PAF1: variants seen among roughly 807,000 people sequenced by gnomAD.
The protein encoded by PAF1 is RNA polymerase II-associated factor 1 homolog.
In PAF1, 31 loss-of-function variants were observed where a neutral mutation model predicts 68.4. The observed-to-expected ratio is 0.45, with a 90% CI of 0.34 to 0.61. PAF1 has a LOEUF of 0.61. Ranked by LOEUF, PAF1 falls within the 20% of genes least tolerant of loss-of-function variation. The probability of loss-of-function intolerance (pLI) is 0.01; values close to 1 mark genes in which losing one functional copy is unlikely to be tolerated. For missense variants in PAF1, 435 were observed against 692.9 expected (o/e 0.63, Z 4.18); for synonymous variants, 256 against 240.5 (o/e 1.06, Z -0.60).
In PAF1 at chr19:39,385,791, C is replaced by T; in HGVS notation, c.*200G>A. Reference sequence around the variant, plus strand: ...AGCCTCAAGCCAAGATCCTTGAGCACCTGGGGGTTGCGGGAGGTATGTGCT... The same window carrying T: ...AGCCTCAAGCCAAGATCCTTGAGCATCTGGGGGTTGCGGGAGGTATGTGCT... On this transcript the variant is annotated 3_prime_UTR_variant, in exon 14 of 14. Coordinates refer to ENST00000221265, the MANE Select transcript of PAF1 (RefSeq NM_019088.4). The T allele has an allele frequency of 2.7e-6, 2 of 736,668 alleles. No individual in the cohort carries two copies. Among genetic ancestry groups the T allele is most frequent in the Non-Finnish European group, 4.3e-6 (2 of 460,724 alleles). 45.6% of individuals were successfully genotyped at this position (736,668 alleles called of 1,614,324 possible).
chr19:39,389,294 T>G lies in PAF1; in HGVS notation c.449A>C (p.Lys150Thr). Residue 150 changes from lysine (K) to threonine (T), a missense_variant, in exon 6 of 14, where the codon AAG (lysine) becomes ACG (threonine). By Grantham distance (78) the Lys-to-Thr change is moderately conservative. Transcript: ENST00000221265. This position sits in a 1 kb window ranked among gnomAD's most constrained non-coding sequence, Gnocchi z 5.3. ...GTTAGTAACTTACTTGACCTCAGGCTTCTCATTGGAGATGCCATAACGGTT... is the reference window on the plus strand; with the variant it reads ...GTTAGTAACTTACTTGACCTCAGGCGTCTCATTGGAGATGCCATAACGGTT... ...EFNRYGISNE[K>T]PEVKIGVSVK... is the part of the protein sequence containing the mutation. The G allele has an allele frequency of 6.2e-7, 1 of 1,612,874 alleles. No individual in the cohort carries two copies. Among genetic ancestry groups the G allele is most frequent in the Non-Finnish European group, 8.5e-7 (1 of 1,178,798 alleles).
In PAF1 at chr19:39,386,473, C is replaced by T; in HGVS notation, c.1183+9G>A. 1 of 1,614,164 alleles carries T rather than the reference C, an allele frequency of 6.2e-7. No homozygotes were observed. The highest frequency in any genetic ancestry group is 1.6e-4 in the Middle Eastern group (1 of 6,062). ...CAGGGCTCCCAGAGTCTGGCCTGTC[C>T]AGATTTACCTGAGCCCCCAGCTTCT... On this transcript the variant is annotated intron_variant, in intron 13 of 13. Transcript: ENST00000221265. The surrounding 1 kb of genome is among the most constrained non-coding windows in gnomAD (Gnocchi z 6.1).
chr19:39,391,083 T>C lies in PAF1; in HGVS notation c.-219A>G. The C allele has an allele frequency of 1.6e-6, 1 of 629,510 alleles. No individual in the cohort carries two copies. The highest frequency in any genetic ancestry group is 3.0e-5 in the Admixed American group (1 of 33,224). 39.0% of individuals were successfully genotyped at this position (629,510 alleles called of 1,614,324 possible). On this transcript the variant is annotated 5_prime_UTR_variant, in exon 1 of 14. Transcript: ENST00000221265. ...CCGGGGACGGACTCGAAGCTCCGGT[T>C]CCACCAACTGCCGCCAAGACGCTGA...
At chr19:39,387,059 G>A (rs2078268138) in intron 11 of PAF1, 6 of 557,268 alleles carry the variant, frequency 1.1e-5, no homozygotes, top group African/African-American at 3.8e-5. Context: ...ACATAAATAC[G>A]GGCATGGGCC....
chr19:39,386,345 CGAGTGCTCA>C lies in PAF1; in HGVS notation c.1233_1241del (p.Asp411_Ser414delinsGlu). 6.2e-7 allele frequency: 1 copy of C among 1,614,162 alleles called. No individual in the cohort carries two copies. Among genetic ancestry groups the C allele is most frequent in the East Asian group, 2.2e-5 (1 of 44,888 alleles). On this transcript the variant is annotated inframe_deletion, in exon 14 of 14. Transcript: ENST00000221265. This position sits in a 1 kb window ranked among gnomAD's most constrained non-coding sequence, Gnocchi z 6.1. The stretch of plus-strand genomic sequence containing the variant: ...CTTCCTCCCGTTCACTCTCGCTGCC[CGAGTGCTCA>C]TCTTCACTGCCCTCCTTCTCACTGC...
rs1269892623 is a variant in PAF1, at chr19:39,388,577, G to A, written c.840C>T (p.Asp280=). ...CCACGCACACATCATCTGGTGCATAGTCCATCTCCTCCTCCTGGTCCCGCT... is the reference window on the plus strand; with the variant it reads ...CCACGCACACATCATCTGGTGCATAATCCATCTCCTCCTCCTGGTCCCGCT... ...KRKRDQEEEM[D]YAPDDVYDYK... Residue 280 remains aspartate (D), a synonymous_variant, in exon 10 of 14, where the codon GAC becomes GAT. Coordinates refer to ENST00000221265, the MANE Select transcript of PAF1 (RefSeq NM_019088.4). 1.2e-6 allele frequency: 2 copies of A among 1,613,934 alleles called. No homozygotes were observed. Among genetic ancestry groups the A allele is most frequent in the East Asian group, 2.2e-5 (1 of 44,886 alleles).
chr19:39,386,840 G>A lies in PAF1; in HGVS notation c.987-41C>T, dbSNP rs371373069. Reference sequence around the variant, plus strand: ...TTGGGAGAGAGAAGTGGAAGATGCAGTTAAAGACACACCTCCCACTTCCCC... The same window carrying A: ...TTGGGAGAGAGAAGTGGAAGATGCAATTAAAGACACACCTCCCACTTCCCC... On this transcript the variant is annotated intron_variant, in intron 11 of 13. Coordinates refer to ENST00000221265, the MANE Select transcript of PAF1 (RefSeq NM_019088.4). The surrounding 1 kb of genome is among the most constrained non-coding windows in gnomAD (Gnocchi z 6.1). 1.4e-5 allele frequency: 19 copies of A among 1,389,618 alleles called. No homozygotes were observed. The highest frequency in any genetic ancestry group is 1.8e-5 in the Non-Finnish European group (18 of 975,828). The allele number at this position is 1,389,618 out of a possible 1,614,324, so 86.1% of individuals were successfully genotyped here. A position where few individuals can be genotyped will look rare whatever the true frequency, so the allele number is the denominator to read the frequency against.
At position 39,389,061 on chromosome 19, in the gene PAF1, C is replaced by T. The variant is rs1173978725; in HGVS notation, c.567+32G>A. The stretch of plus-strand genomic sequence containing the variant: ...TGAGGAGGAGCTCTGCAGCCGCACC[C>T]TTGCCTCTCCCCATCCCAGTCCCTC... On this transcript the variant is annotated intron_variant, in intron 7 of 13. Transcript: ENST00000221265. This position sits in a 1 kb window ranked among gnomAD's most constrained non-coding sequence, Gnocchi z 5.3. The T allele has an allele frequency of 6.2e-7, 1 of 1,612,088 alleles. No individual in the cohort carries two copies. The highest frequency in any genetic ancestry group is 1.3e-5 in the African/African-American group (1 of 74,982).
intron 11 of PAF1, among the ~76,000 whole-genome samples, chr19:39,387,983 C>CA (rs1375246495): frequency 6.6e-6 from 1 of 151,784 alleles, no homozygotes; most frequent in Non-Finnish European, 1.5e-5. Flanking sequence ...ATTAAAAATA[C>CA]AAAAAAAATT....
In PAF1 at chr19:39,386,527, C is replaced by T. The variant is rs2078253752; in HGVS notation, c.1138G>A (p.Glu380Lys). ...QLENHEPEEEEEEEMETEEKE... is the reference protein window; with the variant it reads ...QLENHEPEEEKEEEMETEEKE... ...TCTTCTGTCTCCATCTCCTCTTCCTCTTCCTCCTCCGGTTCGTGGTTTTCT... is the reference window on the plus strand; with the variant it reads ...TCTTCTGTCTCCATCTCCTCTTCCTTTTCCTCCTCCGGTTCGTGGTTTTCT... Residue 380 changes from glutamate (E) to lysine (K), a missense_variant, in exon 13 of 14, where the codon GAG (glutamate) becomes AAG (lysine). Physicochemically the swap from Glu to Lys is moderately conservative, Grantham distance 56 (BLOSUM62 1). This residue lies in a region of PAF1 where 151 missense variants were observed against 306.3 expected (regional missense o/e 0.49). Coordinates refer to ENST00000221265, the MANE Select transcript of PAF1 (RefSeq NM_019088.4). This position sits in a 1 kb window ranked among gnomAD's most constrained non-coding sequence, Gnocchi z 6.1. 6.2e-7 allele frequency: 1 copy of T among 1,614,202 alleles called. No individual in the cohort carries two copies. The highest frequency in any genetic ancestry group is 8.5e-7 in the Non-Finnish European group (1 of 1,180,034).
chr19:39,386,156 G>A lies in PAF1; in HGVS notation c.1431C>T (p.Gly477=). The A allele has an allele frequency of 6.2e-7, 1 of 1,614,122 alleles. No homozygotes were observed. Among genetic ancestry groups the A allele is most frequent in the Non-Finnish European group, 8.5e-7 (1 of 1,180,030 alleles). ...DDEDRGQAQG[G]SDNDSDSGSN... Reference sequence around the variant, plus strand: ...TGCCGCTGTCTGAATCATTGTCACTGCCACCTTGGGCCTGTCCTCTGTCCT... The same window carrying A: ...TGCCGCTGTCTGAATCATTGTCACTACCACCTTGGGCCTGTCCTCTGTCCT... The change falls in exon 14 of 14, where the codon GGC becomes GGT. Residue 477 remains glycine (G), a synonymous_variant. Transcript: ENST00000221265. This position sits in a 1 kb window ranked among gnomAD's most constrained non-coding sequence, Gnocchi z 6.1.
In PAF1 at chr19:39,390,892, G is replaced by A. The variant is rs1004492144; in HGVS notation, c.-28C>T. On this transcript the variant is annotated 5_prime_UTR_variant, in exon 1 of 14. Coordinates refer to ENST00000221265, the MANE Select transcript of PAF1 (RefSeq NM_019088.4). The stretch of plus-strand genomic sequence containing the variant: ...CGACGAGGCGACGGCAGCCCGGACG[G>A]GGTCCTAGCGGGACCGAAGGGGGAC... 6.4e-7 allele frequency: 1 copy of A among 1,565,198 alleles called. No individual in the cohort carries two copies. Among genetic ancestry groups the A allele is most frequent in the South Asian group, 1.2e-5 (1 of 85,192 alleles).
intron 10 of PAF1, 44 bp downstream of exon 10, chr19:39,388,516 C>T (rs1209205111): frequency 6.2e-7 from 1 of 1,612,926 alleles, no homozygotes; most frequent in Admixed American, 1.7e-5. Flanking sequence ...TATCCCAATC[C>T]CCAAAACTTC....
chr19:39,388,272 C>T, intron 11 of PAF1, 67 bp downstream of exon 11: 1 of 1,554,282 alleles, frequency 6.4e-7, no homozygotes, highest in Non-Finnish European at 8.9e-7. Context: ...TCCAAGGTGG[C>T]TCTTGCATGC....
chr19:39,390,202 C>A (rs1303553846), intron 2 of PAF1, 41 bp from the exon 3 acceptor site: 1 of 1,612,366 alleles, frequency 6.2e-7, no homozygotes, highest in African/African-American at 1.3e-5. Context: ...CCCGCTGCCC[C>A]ACCTCTGCTC....
chr19:39,389,213 A>G lies in PAF1; in HGVS notation c.462-15T>C, dbSNP rs1308711244. The G allele has an allele frequency of 8.7e-6, 14 of 1,612,932 alleles. No homozygotes were observed. The highest frequency in any genetic ancestry group is 1.2e-5 in the Non-Finnish European group (14 of 1,179,022). On this transcript the variant is annotated splice_polypyrimidine_tract_variant and intron_variant, in intron 6 of 13. Coordinates refer to ENST00000221265, the MANE Select transcript of PAF1 (RefSeq NM_019088.4). The surrounding 1 kb of genome is among the most constrained non-coding windows in gnomAD (Gnocchi z 5.3). ...AAACCCCAATCCTAGGAATGAAGAA[A>G]AAGGTCCTTAGGGGCCACTGGACAC...
rs780533974 is a variant in PAF1 at position 39,386,232 on chromosome 19, T to G, written c.1355A>C (p.Glu452Ala). The G allele has an allele frequency of 1.2e-6, 2 of 1,614,062 alleles. No individual in the cohort carries two copies. The highest frequency in any genetic ancestry group is 3.3e-5 in the Admixed American group (2 of 59,996). Residue 452 changes from glutamate (E) to alanine (A), a missense_variant, in exon 14 of 14, where the codon GAG (glutamate) becomes GCG (alanine). By Grantham distance (107) the Glu-to-Ala change is moderately radical. This residue lies in a region of PAF1 where 3 missense variants were observed against 18.4 expected (regional missense o/e 0.16). Coordinates refer to ENST00000221265, the MANE Select transcript of PAF1 (RefSeq NM_019088.4). The surrounding 1 kb of genome is among the most constrained non-coding windows in gnomAD (Gnocchi z 6.1). The stretch of plus-strand genomic sequence containing the variant: ...AGAATCAGCATCACTGCCAAAGATC[T>G]CCTCTTTGTCACGGGCAGCCCGGGC... ...DEARAARDKE[E>A]IFGSDADSED...
In PAF1 at chr19:39,386,593, A is replaced by T. The variant is rs374822783; in HGVS notation, c.1093-21T>A. ...GCCTCCTGGAAGCAGCAAGATTGGA[A>T]TGAGGGGAAGGAGGGTGTTCTGCTG... On this transcript the variant is annotated intron_variant, in intron 12 of 13. Coordinates refer to ENST00000221265, the MANE Select transcript of PAF1 (RefSeq NM_019088.4). This position sits in a 1 kb window ranked among gnomAD's most constrained non-coding sequence, Gnocchi z 6.1. The T allele has an allele frequency of 1.4e-5, 23 of 1,613,234 alleles. No individual in the cohort carries two copies. The highest frequency in any genetic ancestry group is 1.8e-5 in the Non-Finnish European group (21 of 1,179,376).
chr19:39,390,040 T>C, intron 3 of PAF1, 29 bp downstream of exon 3: 1 of 1,560,470 alleles, frequency 6.4e-7, no homozygotes, highest in South Asian at 1.1e-5. Context: ...AACTCATACC[T>C]GAGTAGTTTT....
Sources: allele counts gnomAD v4.1 joint callset (sites outside exome capture counted in the v4.1 genomes callset), GRCh38; gene constraint gnomAD v4.1.1; regional missense constraint gnomAD v4.1.1; non-coding constraint Gnocchi (gnomAD v3.1); transcripts MANE v1.5; gene names NCBI Gene and HGNC (gene_info 2026-07-23, HGNC 2026-07-21).